KMT5B: variants seen among roughly 807,000 people sequenced by gnomAD.
KMT5B encodes the protein histone-lysine N-methyltransferase KMT5B.
Under a neutral mutation model 83.2 loss-of-function variants are expected in KMT5B, and 10 were observed. That is an observed-to-expected ratio of 0.12 (90% CI 0.07 to 0.20). The LOEUF (loss-of-function observed/expected upper bound fraction) is 0.20, where lower values mean the gene tolerates loss of function less well. KMT5B is among the 10% of genes least tolerant of loss of function. KMT5B has a pLI of 1.00. For missense variants in KMT5B, 753 were observed against 1,067.2 expected (o/e 0.71, Z 4.10); for synonymous variants, 349 against 388.8 (o/e 0.90, Z 1.20).
intron 5 of KMT5B, among the ~76,000 whole-genome samples, chr11:68,174,687 A>G (rs1292947902): frequency 1.3e-5 from 2 of 152,060 alleles, no homozygotes; most frequent in African/African-American, 2.4e-5. Flanking sequence ...AAAGGTACAC[A>G]CTACTATGCC....
At chr11:68,169,942 C>T (rs1013463883) in intron 9 of KMT5B, among the ~76,000 whole-genome samples, 12 of 151,638 alleles carry the variant, frequency 7.9e-5, no homozygotes, top group African/African-American at 2.9e-4. Flanking sequence ...TGGTTTTCTG[C>T]CACATCTTTA....
At chr11:68,181,891 C>T (rs1237233705) in intron 3 of KMT5B, among the ~76,000 whole-genome samples, 3 of 152,152 alleles carry the variant, frequency 2.0e-5, no homozygotes, top group African/African-American at 4.8e-5. Context: ...GTAGGCAGGC[C>T]GTCCCCTGCA....
chr11:68,167,383 A>G (rs1250854190), intron 9 of KMT5B, among the ~76,000 whole-genome samples: 5 of 152,122 alleles, frequency 3.3e-5, no homozygotes, highest in Non-Finnish European at 7.3e-5. Context: ...TTAAAATAAT[A>G]AAACAACTTG....
In KMT5B at chr11:68,156,383, GTTAA is replaced by G. The variant is rs1382542388; in HGVS notation, c.*1301_*1304del. 2.0e-5 allele frequency: 3 copies of G among 151,964 alleles called. No homozygotes were observed. Among genetic ancestry groups the G allele is most frequent in the Admixed American group, 2.0e-4 (3 of 15,220 alleles). 9.4% of individuals were successfully genotyped at this position (151,964 alleles called of 1,614,324 possible). ...GTAGTAATAAAAATTTGCTCATTAA[GTTAA>G]TTAAAATTAATTTCTCAAAGTGCTT... On this transcript the variant is annotated 3_prime_UTR_variant, in exon 11 of 11. Coordinates refer to ENST00000304363, the MANE Select transcript of KMT5B (RefSeq NM_017635.5).
rs1201511758 is a variant in KMT5B, at chr11:68,155,518, C to T, written c.*2170G>A. 1 of 152,096 alleles carries T rather than the reference C, an allele frequency of 6.6e-6. No homozygotes were observed. The highest frequency in any genetic ancestry group is 1.9e-4 in the East Asian group (1 of 5,202). The allele number at this position is 152,096 out of a possible 1,614,324, so 9.4% of individuals were successfully genotyped here. On this transcript the variant is annotated 3_prime_UTR_variant, in exon 11 of 11. Coordinates refer to ENST00000304363, the MANE Select transcript of KMT5B (RefSeq NM_017635.5). ...TTTGTCACTTTTTAAGATCGAAATT[C>T]CCAAAATAGCTATCGTTGGTATTCA...
At chr11:68,186,759 A>G (rs1857473354) in intron 2 of KMT5B, among the ~76,000 whole-genome samples, 5 of 152,224 alleles carry the variant, frequency 3.3e-5, no homozygotes, top group Admixed American at 3.3e-4. Flanking sequence ...GACAACAGCA[A>G]TGTAACTTTC....
At chr11:68,163,449 T>C (rs1239499078) in intron 10 of KMT5B, among the ~76,000 whole-genome samples, 1 of 152,194 alleles carries the variant, frequency 6.6e-6, no homozygotes, top group Non-Finnish European at 1.5e-5. Flanking sequence ...TGGCCTCAAC[T>C]TACGGGTAAA....
intron 1 of KMT5B, among the ~76,000 whole-genome samples, chr11:68,191,859 C>T (rs1001140775): frequency 6.6e-6 from 1 of 152,230 alleles, no homozygotes; most frequent in Non-Finnish European, 1.5e-5. Flanking sequence ...TTACTCACCA[C>T]TCACTCACTG....
intron 1 of KMT5B, among the ~76,000 whole-genome samples, chr11:68,207,806 ACAAAC>A (rs1565266216): frequency 6.8e-6 from 1 of 146,534 alleles, no homozygotes; most frequent in African/African-American, 2.6e-5. Flanking sequence ...AAAAAAAAAA[ACAAAC>A]CAAAAAACAA....
In KMT5B at chr11:68,156,012, T is replaced by A. The variant is rs1288639559; in HGVS notation, c.*1676A>T. On this transcript the variant is annotated 3_prime_UTR_variant, in exon 11 of 11. Transcript: ENST00000304363. ...TGGAACCTATGGGCAATCAACAGTC[T>A]TAAGGAGCGTCATTGAAACAATATC... 1 of 152,192 alleles carries A rather than the reference T, an allele frequency of 6.6e-6. No individual in the cohort carries two copies. Among genetic ancestry groups the A allele is most frequent in the African/African-American group, 2.4e-5 (1 of 41,440 alleles). 9.4% of individuals were successfully genotyped at this position (152,192 alleles called of 1,614,324 possible).
chr11:68,205,623 C>CTT lies in KMT5B; in HGVS notation c.-77+7513_-77+7514dup, dbSNP rs61314677. On this transcript the variant is annotated intron_variant, in intron 1 of 10. Transcript: ENST00000304363. ...AGTTTATGATCAGACATTCGCAATT[C>CTT]TTTTTTTTTTTTTTTCAGACGGAGT... 6.3e-3 allele frequency among the ~76,000 whole-genome samples: 881 copies of CTT among 140,554 alleles called. 5 individuals are homozygous for CTT. Among genetic ancestry groups the CTT allele is most frequent in the African/African-American group, 0.021 (797 of 38,208 alleles). 92.2% of individuals were successfully genotyped at this position (140,554 alleles called of 152,430 possible).
chr11:68,183,701 C>T (rs1267415683), intron 3 of KMT5B, among the ~76,000 whole-genome samples: 1 of 149,970 alleles, frequency 6.7e-6, no homozygotes, highest in East Asian at 2.0e-4. Flanking sequence ...ACTTTGTTAC[C>T]CAGGCTGGAG....
At chr11:68,198,030 T>C (rs1258390095) in intron 1 of KMT5B, among the ~76,000 whole-genome samples, 1 of 152,194 alleles carries the variant, frequency 6.6e-6, no homozygotes, top group East Asian at 1.9e-4. Flanking sequence ...ATCTTTCCTC[T>C]AAGACCACAC....
intron 10 of KMT5B, 152 bp downstream of exon 10, chr11:68,166,830 A>C: frequency 6.9e-7 from 1 of 1,449,912 alleles, no homozygotes; most frequent in Non-Finnish European, 9.0e-7. Flanking sequence ...CCTCTACTCA[A>C]ATCACGTCTA....
chr11:68,158,059 T>C lies in KMT5B; in HGVS notation c.2287A>G (p.Asn763Asp), dbSNP rs369830355. 8.7e-6 allele frequency: 14 copies of C among 1,614,094 alleles called. No individual in the cohort carries two copies. Among genetic ancestry groups the C allele is most frequent in the Non-Finnish European group, 1.1e-5 (13 of 1,180,044 alleles). ...CCTGATCCTGAGTTAAATCCATTAT[T>C]AAGCTTTGCTACATAGAGATTGTTA... ...NDNNLYVAKL[N>D]NGFNSGSGSS... is the part of the protein sequence containing the mutation. Residue 763 changes from asparagine (N) to aspartate (D), a missense_variant, in exon 11 of 11, where the codon AAT becomes GAT. Coordinates refer to ENST00000304363, the MANE Select transcript of KMT5B (RefSeq NM_017635.5).
intron 1 of KMT5B, among the ~76,000 whole-genome samples, chr11:68,195,605 AC>A (rs1233692535): frequency 2.0e-5 from 3 of 152,192 alleles, no homozygotes; most frequent in African/African-American, 7.2e-5. Flanking sequence ...CTCTGAATAC[AC>A]AGAATACTAC....
chr11:68,198,543 GC>G, intron 1 of KMT5B, among the ~76,000 whole-genome samples: 1 of 152,288 alleles, frequency 6.6e-6, no homozygotes, highest in South Asian at 2.1e-4. Flanking sequence ...CCACAGAGGT[GC>G]CCCCTCCCAA....
chr11:68,197,268 C>T (rs745321596), intron 1 of KMT5B, among the ~76,000 whole-genome samples: 11 of 152,084 alleles, frequency 7.2e-5, no homozygotes, highest in Non-Finnish European at 1.5e-4. Context: ...CCACCACGCC[C>T]GGCCATGGAA....
intron 1 of KMT5B, among the ~76,000 whole-genome samples, chr11:68,210,266 C>A (rs1346605587): frequency 6.6e-6 from 1 of 151,794 alleles, no homozygotes; most frequent in East Asian, 1.9e-4. Flanking sequence ...GACACTGATA[C>A]CCTAGTCTCT....
Sources: gnomAD v4.1 joint callset for allele counts (sites outside exome capture counted in the v4.1 genomes callset) on GRCh38, gnomAD v4.1.1 for gene constraint, MANE v1.5 for transcripts, NCBI Gene and HGNC (gene_info 2026-07-23, HGNC 2026-07-21) for gene names.